Variants in ATP2A2 observed in about 807,000 individuals in gnomAD.
ATP2A2 encodes sarcoplasmic/endoplasmic reticulum calcium ATPase 2.
A neutral mutation model predicts 109.3 loss-of-function variants in ATP2A2; 14 were observed. That is an observed-to-expected ratio of 0.13 (90% confidence interval 0.08 to 0.20). The LOEUF is 0.20. ATP2A2 is among the 10% of genes least tolerant of loss of function. ATP2A2 has a pLI of 1.00. For missense variants in ATP2A2, 657 were observed against 1,321.6 expected (o/e 0.50, Z 7.80); for synonymous variants, 506 against 490.9 (o/e 1.03, Z -0.41).
At chr12:110,311,617 A>C (rs930029925) in intron 5 of ATP2A2, among the ~76,000 whole-genome samples, 3 of 149,164 alleles carry the variant, frequency 2.0e-5, no homozygotes, top group South Asian at 4.3e-4. Flanking sequence ...AAAAAAAAAA[A>C]AAAAACGCTG....
At chr12:110,336,550 C>T (rs1029338305) in intron 11 of ATP2A2, among the ~76,000 whole-genome samples, 9 of 152,096 alleles carry the variant, frequency 5.9e-5, no homozygotes, top group Non-Finnish European at 1.0e-4. Context: ...CACAAAATCT[C>T]AGGGTGAAAA....
intron 16 of ATP2A2, among the ~76,000 whole-genome samples, chr12:110,343,966 T>C (rs527584453): frequency 6.6e-6 from 1 of 152,278 alleles, no homozygotes; most frequent in Admixed American, 6.5e-5. Context: ...GTTTTCATAA[T>C]ATATTCACAT....
At chr12:110,315,158 G>T (rs924461466) in intron 5 of ATP2A2, among the ~76,000 whole-genome samples, 1 of 152,044 alleles carries the variant, frequency 6.6e-6, no homozygotes, top group African/African-American at 2.4e-5. Context: ...GAGCCATCGC[G>T]CCCGGCAATA....
chr12:110,282,068 G>A (rs1195515043), intron 1 of ATP2A2, 161 bp downstream of exon 1: 3 of 537,238 alleles, frequency 5.6e-6, no homozygotes, highest in Non-Finnish European at 6.3e-6. Flanking sequence ...GAAAGGGGCT[G>A]CGGTCCTCGC....
At chr12:110,329,989 TTAGAA>T (rs1434002349) in intron 8 of ATP2A2, 1 of 152,214 alleles carries the variant, frequency 6.6e-6, no homozygotes, top group Non-Finnish European at 1.5e-5. Flanking sequence ...TATTAGAATA[TTAGAA>T]TAGGGATTGC....
intron 8 of ATP2A2, chr12:110,332,395 C>A: frequency 1.7e-6 from 1 of 596,484 alleles, no homozygotes. Context: ...GTGTGATGGG[C>A]GAAGCAGTCT....
Position 110,347,507 on chromosome 12 carries a change from T to C in ATP2A2, c.*1037T>C. ...ATGTACAGGCACTAATTGTCATCTG[T>C]GATGTACATTTTATGCAAGTTTCTG... is the stretch of plus-strand genomic sequence containing the variant. On this transcript the variant is annotated 3_prime_UTR_variant, in exon 20 of 20. Transcript: ENST00000539276. 1 of 1,288,986 alleles carries C rather than the reference T, an allele frequency of 7.8e-7. No homozygotes were observed. Among genetic ancestry groups the C allele is most frequent in the Non-Finnish European group, 1.0e-6 (1 of 988,552 alleles). The allele number at this position is 1,288,986 out of a possible 1,614,324, so 79.8% of individuals were successfully genotyped here.
Position 110,346,073 on chromosome 12 carries a change from G to C in ATP2A2, c.2814G>C (p.Leu938=), listed in dbSNP as rs773273173. 1.2e-6 allele frequency: 2 copies of C among 1,614,154 alleles called. No homozygotes were observed. The highest frequency in any genetic ancestry group is 2.2e-5 in the East Asian group (1 of 44,890). ...ENIWLVGSIC[L]SMSLHFLILY... The stretch of plus-strand genomic sequence containing the variant: ...TCTGGCTCGTGGGCTCCATCTGCCT[G>C]TCCATGTCACTCCACTTCCTGATCC... The change falls in exon 19 of 20, where the codon CTG becomes CTC. Residue 938 remains leucine (L), a synonymous_variant. Transcript: ENST00000539276.
At chr12:110,343,176 A>G (rs1340555338) in intron 15 of ATP2A2, 56 bp from the exon 16 acceptor site, 2 of 1,569,578 alleles carry the variant, frequency 1.3e-6, no homozygotes, top group Non-Finnish European at 1.8e-6. Flanking sequence ...TGCTCTTTAA[A>G]TAGTGGCCAG....
chr12:110,325,433 A>C (rs147503459), intron 6 of ATP2A2, among the ~76,000 whole-genome samples: 95 of 151,966 alleles, frequency 6.3e-4, no homozygotes, highest in African/African-American at 2.2e-3. Flanking sequence ...CAGGAGTTTG[A>C]GACCAGCCTT....
Position 110,287,449 on chromosome 12 carries a change from A to G in ATP2A2, c.220-4571A>G, listed in dbSNP as rs149850510. Among the ~76,000 whole-genome samples the G allele has an allele frequency of 4.6e-5, 7 of 152,302 alleles. No individual in the cohort carries two copies. In the East Asian group the frequency reaches 1.4e-3, roughly 29 times the overall value. On this transcript the variant is annotated intron_variant, in intron 3 of 19. Coordinates refer to ENST00000539276, the MANE Select transcript of ATP2A2 (RefSeq NM_170665.4). ...AGTGGTTACTTTGAATAATACTGGC[A>G]CATTTGAAGCATTGAACTTGTTTGA...
rs1387449442 is a variant in ATP2A2, at chr12:110,327,948, T to G, written c.1026T>G (p.Leu342=). 2 of 1,614,134 alleles carry G rather than the reference T, an allele frequency of 1.2e-6. No homozygotes were observed. The highest frequency in any genetic ancestry group is 2.2e-5 in the South Asian group (2 of 91,080). ...GAAGCCTCCCGTCTGTGGAAACCCT[T>G]GGTTGTACTTCTGTTATCTGCTCAG... ...IVRSLPSVET[L]GCTSVICSDK... Residue 342 remains leucine, a synonymous_variant, in exon 8 of 20, where the codon CTT becomes CTG. Coordinates refer to ENST00000539276, the MANE Select transcript of ATP2A2 (RefSeq NM_170665.4). The surrounding 1 kb of genome is among the most constrained non-coding windows in gnomAD (Gnocchi z 4.4).
intron 5 of ATP2A2, among the ~76,000 whole-genome samples, chr12:110,300,184 CT>C (rs1193882539): frequency 0.11 from 7,831 of 74,270 alleles, 541 homozygotes; most frequent in African/African-American, 0.18. Context: ...CTCGCTCTCT[CT>C]TTTTTTTTTT....
At chr12:110,333,808 C>T (rs1249250835) in intron 10 of ATP2A2, among the ~76,000 whole-genome samples, 1 of 152,130 alleles carries the variant, frequency 6.6e-6, no homozygotes, top group Non-Finnish European at 1.5e-5. Context: ...GAAAAACCTA[C>T]TTATTAGAAT....
intron 8 of ATP2A2, among the ~76,000 whole-genome samples, chr12:110,329,229 ATAGT>A (rs1878100955): frequency 6.6e-6 from 1 of 152,194 alleles, no homozygotes; most frequent in South Asian, 2.1e-4. Flanking sequence ...TTGTTTAGGG[ATAGT>A]TAACCTGTGT....
At chr12:110,295,179 T>C (rs1376055284) in intron 4 of ATP2A2, among the ~76,000 whole-genome samples, 1 of 151,640 alleles carries the variant, frequency 6.6e-6, no homozygotes, top group Non-Finnish European at 1.5e-5. Context: ...ATCTTTTTTT[T>C]CCCCCAAGAC....
intron 3 of ATP2A2, among the ~76,000 whole-genome samples, chr12:110,291,121 T>A (rs1438500859): frequency 1.3e-5 from 2 of 152,230 alleles, no homozygotes; most frequent in East Asian, 3.9e-4. Flanking sequence ...TTGGTCAGGC[T>A]GGTCTCGAGC....
chr12:110,310,179 A>AT, intron 5 of ATP2A2, among the ~76,000 whole-genome samples: 1 of 141,276 alleles, frequency 7.1e-6, no homozygotes, highest in African/African-American at 2.6e-5. Flanking sequence ...TAGAGACGGG[A>AT]TTTTACCATG....
chr12:110,286,713 A>C (rs1315136394), intron 3 of ATP2A2, among the ~76,000 whole-genome samples: 3 of 151,254 alleles, frequency 2.0e-5, no homozygotes, highest in Non-Finnish European at 4.4e-5. Flanking sequence ...AAAAAAAAAA[A>C]AACTTGATGT....
Sources: gnomAD v4.1 joint callset for allele counts (sites outside exome capture counted in the v4.1 genomes callset) on GRCh38, gnomAD v4.1.1 for gene constraint, Gnocchi (gnomAD v3.1) non-coding constraint, MANE v1.5 for transcripts, NCBI Gene and HGNC (gene_info 2026-07-23, HGNC 2026-07-21) for gene names.